The following ZNF141 variants were observed in gnomAD, a reference collection of about 807,000 sequenced individuals.
The protein encoded by ZNF141 is zinc finger protein 141 (clone pHZ-44).
In ZNF141, 7 loss-of-function variants were observed where a neutral mutation model predicts 11.3. The observed-to-expected ratio is 0.62, with a 90% CI of 0.35 to 1.16. ZNF141 has a LOEUF of 1.16. Ranked by LOEUF, ZNF141 falls within the 50% of genes most tolerant of loss-of-function variation. The pLI, the probability that ZNF141 is intolerant of heterozygous loss-of-function variation, is 0.02. For synonymous variants in ZNF141, 183 were observed against 190.7 expected (o/e 0.96, Z 0.33); for missense variants, 535 against 554.0 (o/e 0.97, Z 0.34).
At position 381,114 on chromosome 4, in the gene ZNF141, ACT is replaced by A. The variant is rs1229948749; in HGVS notation, c.*7254_*7255del. Among the ~76,000 whole-genome samples the A allele has an allele frequency of 6.6e-6, 1 of 152,146 alleles. No homozygotes were observed. Among genetic ancestry groups the A allele is most frequent in the Non-Finnish European group, 1.5e-5 (1 of 68,038 alleles). The stretch of plus-strand genomic sequence containing the variant: ...TGTAATTAAATATTATTTACTACAA[ACT>A]CACATAGTACATTATGACTTTATTA... On this transcript the variant is annotated 3_prime_UTR_variant, in exon 4 of 4. Coordinates refer to ENST00000240499, the MANE Select transcript of ZNF141 (RefSeq NM_003441.4).
chr4:345,505 G>C (rs1721276965), intron 3 of ZNF141, among the ~76,000 whole-genome samples: 1 of 151,958 alleles, frequency 6.6e-6, no homozygotes, highest in African/African-American at 2.4e-5. Context: ...GATGAGCTCG[G>C]ATCATCTGAG....
chr4:382,860 GT>G lies in ZNF141; in HGVS notation c.*9000del, dbSNP rs1712728836. ...CCAGCTGCTTAGTAGCTGTGGGATA[GT>G]TACACAAGACACATCTACAAGAAAA... is the stretch of plus-strand genomic sequence containing the variant. On this transcript the variant is annotated 3_prime_UTR_variant, in exon 4 of 4. Transcript: ENST00000240499. 2.8e-6 allele frequency: 1 copy of G among 355,360 alleles called. No individual in the cohort carries two copies. Among genetic ancestry groups the G allele is most frequent in the Non-Finnish European group, 5.1e-6 (1 of 195,046 alleles). 22.0% of individuals were successfully genotyped at this position (355,360 alleles called of 1,614,324 possible). A position where few individuals can be genotyped will look rare whatever the true frequency, so the allele number is the denominator to read the frequency against.
rs1712349955 is a variant in ZNF141, at chr4:376,051, A to AAAATTATATGT, written c.*2196_*2197insATGTAAATTAT. On this transcript the variant is annotated 3_prime_UTR_variant, in exon 4 of 4. Coordinates refer to ENST00000240499, the MANE Select transcript of ZNF141 (RefSeq NM_003441.4). ...TATGTAATAAGATACAGTAAATTTT[A>AAAATTATATGT]AAATTATTTTAAGATTATGTGGGAA... Among the ~76,000 whole-genome samples the AAAATTATATGT allele has an allele frequency of 6.6e-6, 1 of 152,090 alleles. No individual in the cohort carries two copies. Among genetic ancestry groups the AAAATTATATGT allele is most frequent in the Non-Finnish European group, 1.5e-5 (1 of 67,916 alleles).
rs1712576816 is a variant in ZNF141, at chr4:380,773, T to G, written c.*6911T>G. 6.6e-6 allele frequency among the ~76,000 whole-genome samples: 1 copy of G among 152,164 alleles called. No individual in the cohort carries two copies. Among genetic ancestry groups the G allele is most frequent in the Admixed American group, 6.5e-5 (1 of 15,278 alleles). Reference sequence around the variant, plus strand: ...ATGACTTGCTCACAACACAGGCAACTTTGACTCTAGAGATAACACTTATTA... The same window carrying G: ...ATGACTTGCTCACAACACAGGCAACGTTGACTCTAGAGATAACACTTATTA... On this transcript the variant is annotated 3_prime_UTR_variant, in exon 4 of 4. Coordinates refer to ENST00000240499, the MANE Select transcript of ZNF141 (RefSeq NM_003441.4).
At chr4:350,326 T>C (rs1411459669) in intron 3 of ZNF141, 2 of 433,904 alleles carry the variant, frequency 4.6e-6, no homozygotes, top group South Asian at 1.6e-5. Flanking sequence ...TACTTCTGCT[T>C]TCTATGTGCT....
intron 3 of ZNF141, among the ~76,000 whole-genome samples, chr4:359,550 C>G (rs1722013329): frequency 6.6e-6 from 1 of 152,082 alleles, no homozygotes; most frequent in Non-Finnish European, 1.5e-5. Flanking sequence ...TGACATTTCT[C>G]CCTCCAGATT....
intron 1 of ZNF141, among the ~76,000 whole-genome samples, chr4:340,391 C>T (rs1272837662): frequency 6.6e-6 from 1 of 152,186 alleles, no homozygotes; most frequent in East Asian, 1.9e-4. Flanking sequence ...TTTAGGATAG[C>T]GATCAGTTTT....
chr4:369,758 A>ATTTTTTTTTTT (rs1560196787), intron 3 of ZNF141, among the ~76,000 whole-genome samples: 3 of 34,784 alleles, frequency 8.6e-5, no homozygotes, highest in African/African-American at 5.6e-4. Flanking sequence ...ATATATATAT[A>ATTTTTTTTTTT]TATATATTTT....
chr4:373,318 C>T lies in ZNF141; in HGVS notation c.881C>T (p.Ser294Leu), dbSNP rs781998885. The T allele has an allele frequency of 6.2e-7, 1 of 1,611,594 alleles. No individual in the cohort carries two copies. The highest frequency in any genetic ancestry group is 2.2e-5 in the East Asian group (1 of 44,726). Residue 294 changes from serine (S) to leucine (L), a missense_variant, in exon 4 of 4, where the codon TCA becomes TTA. Transcript: ENST00000240499. ...TCEECRKIFT[S>L]SSNFAKHKRI... ...GAAGAATGTAGGAAAATCTTTACCT[C>T]ATCCTCAAACTTTGCCAAACATAAG...
At position 378,992 on chromosome 4, in the gene ZNF141, C is replaced by T. The variant is rs535499794; in HGVS notation, c.*5130C>T. On this transcript the variant is annotated 3_prime_UTR_variant, in exon 4 of 4. Transcript: ENST00000240499. ...CCCAAGTAGCTGGGATTACAGGTGC[C>T]CACCACCACACCCAGCTAATTTTTG... 6.6e-6 allele frequency among the ~76,000 whole-genome samples: 1 copy of T among 151,454 alleles called. No individual in the cohort carries two copies. Among genetic ancestry groups the T allele is most frequent in the Non-Finnish European group, 1.5e-5 (1 of 67,816 alleles).
intron 3 of ZNF141, among the ~76,000 whole-genome samples, chr4:365,512 G>T (rs200899278): frequency 9.6e-6 from 1 of 104,196 alleles, no homozygotes; most frequent in African/African-American, 2.6e-5. Context: ...TGTTATTTTT[G>T]TTGTTAAGTT....
chr4:346,893 A>AC (rs781896435), intron 3 of ZNF141, among the ~76,000 whole-genome samples: 3,683 of 135,344 alleles, frequency 0.027, 155 homozygotes, highest in Non-Finnish European at 0.031. Flanking sequence ...ACACACACAC[A>AC]CCGCCCCCCC....
chr4:343,967 T>C, intron 2 of ZNF141, 59 bp downstream of exon 2: 3 of 1,558,970 alleles, frequency 1.9e-6, no homozygotes, highest in Non-Finnish European at 2.6e-6. Context: ...TTTATTCCTT[T>C]GAAGAATTTC....
Position 343,807 on chromosome 4 carries a change from C to A in ZNF141, c.29C>A (p.Ala10Asp). The change falls in exon 2 of 4, where the codon GCC (alanine) becomes GAC (aspartate). Residue 10 changes from alanine (A) to aspartate (D), a missense_variant. Transcript: ENST00000240499. The stretch of plus-strand genomic sequence containing the variant: ...GAACTCTTAACATTCAGGGATGTGG[C>A]CATAGAATTCTCTCCAGAAGAGTGG... MELLTFRDV[A>D]IEFSPEEWKC... 2.5e-6 allele frequency: 4 copies of A among 1,597,694 alleles called. No homozygotes were observed. The highest frequency in any genetic ancestry group is 3.4e-6 in the Non-Finnish European group (4 of 1,175,014).
intron 3 of ZNF141, among the ~76,000 whole-genome samples, chr4:369,754 A>ATTT (rs1560196750): frequency 2.0e-4 from 7 of 35,496 alleles, no homozygotes; most frequent in African/African-American, 8.9e-4. Context: ...ATATATATAT[A>ATTT]TATATATATA....
chr4:340,895 T>G (rs1439980408), intron 1 of ZNF141, among the ~76,000 whole-genome samples: 1 of 152,194 alleles, frequency 6.6e-6, no homozygotes, highest in African/African-American at 2.4e-5. Context: ...TTCTATCAGT[T>G]CCGTCTGCCT....
At position 378,361 on chromosome 4, in the gene ZNF141, C is replaced by G. The variant is rs995264959; in HGVS notation, c.*4499C>G. 4.6e-5 allele frequency among the ~76,000 whole-genome samples: 7 copies of G among 152,000 alleles called. No homozygotes were observed. Among genetic ancestry groups the G allele is most frequent in the Non-Finnish European group, 1.0e-4 (7 of 67,994 alleles). The stretch of plus-strand genomic sequence containing the variant: ...TCAGCTCACTGCAACCTCCGCCTCC[C>G]AGGTTCAAGTGATTCTCCTGCCTCA... On this transcript the variant is annotated 3_prime_UTR_variant, in exon 4 of 4. Transcript: ENST00000240499.
chr4:384,337 C>G lies in ZNF141; in HGVS notation c.*10475C>G, dbSNP rs1207335695. On this transcript the variant is annotated 3_prime_UTR_variant, in exon 4 of 4. Coordinates refer to ENST00000240499, the MANE Select transcript of ZNF141 (RefSeq NM_003441.4). ...TCTGATATTTGAAAAGAAGAGGAACCCCTGAGAAAGGAGGCAGAGGCTGGT... is the reference window on the plus strand; with the variant it reads ...TCTGATATTTGAAAAGAAGAGGAACGCCTGAGAAAGGAGGCAGAGGCTGGT... The G allele has an allele frequency of 6.6e-6, 1 of 152,294 alleles. No homozygotes were observed. The highest frequency in any genetic ancestry group is 1.5e-5 in the Non-Finnish European group (1 of 68,172). 9.4% of individuals were successfully genotyped at this position (152,294 alleles called of 1,614,324 possible). A position where few individuals can be genotyped will look rare whatever the true frequency, so the allele number is the denominator to read the frequency against.
intron 3 of ZNF141, among the ~76,000 whole-genome samples, chr4:350,889 G>A (rs1374126218): frequency 6.6e-6 from 1 of 151,062 alleles, no homozygotes; most frequent in East Asian, 1.9e-4. Flanking sequence ...ACAGGTGCTT[G>A]CCACCATGCC....
Sources: allele counts gnomAD v4.1 joint callset (sites outside exome capture counted in the v4.1 genomes callset), GRCh38; gene constraint gnomAD v4.1.1; transcripts MANE v1.5; gene names NCBI Gene and HGNC (gene_info 2026-07-23, HGNC 2026-07-21).